CACNB2: variants seen among roughly 807,000 people sequenced by gnomAD.
The protein encoded by CACNB2 is calcium voltage-gated channel auxiliary subunit beta 2.
Under a neutral mutation model 73.3 loss-of-function variants are expected in CACNB2, and 42 were observed. The observed-to-expected ratio is 0.57, with a 90% CI of 0.45 to 0.74. The LOEUF (loss-of-function observed/expected upper bound fraction) is 0.74. Among genes scored for constraint, CACNB2 ranks in the 30% least tolerant of loss-of-function variants. The pLI, the probability that CACNB2 is intolerant of heterozygous loss-of-function variation, is 0.00. For missense variants in CACNB2, 940 were observed against 853.0 expected (o/e 1.10, Z -1.27); for synonymous variants, 348 against 310.3 (o/e 1.12, Z -1.28).
intron 2 of CACNB2, among the ~76,000 whole-genome samples, chr10:18,266,634 A>G (rs967407497): frequency 2.0e-4 from 31 of 152,148 alleles, no homozygotes; most frequent in African/African-American, 7.2e-4. Context: ...CACGCCTGTA[A>G]TCTCAGCACT....
At chr10:18,149,316 G>A (rs181784537) in intron 1 of CACNB2, among the ~76,000 whole-genome samples, 55 of 152,238 alleles carry the variant, frequency 3.6e-4, no homozygotes, top group Non-Finnish European at 6.3e-4. Context: ...TTTTTCAACA[G>A]TTTACTGAAT....
intron 2 of CACNB2, among the ~76,000 whole-genome samples, chr10:18,368,109 C>A (rs893198074): frequency 2.6e-5 from 4 of 152,158 alleles, no homozygotes; most frequent in African/African-American, 7.2e-5. Context: ...CCTGTAAACA[C>A]AGCAAGTTGA....
chr10:18,218,338 A>G (rs1056209299), intron 2 of CACNB2, among the ~76,000 whole-genome samples: 1 of 152,196 alleles, frequency 6.6e-6, no homozygotes, highest in African/African-American at 2.4e-5. Context: ...TGTTTTCCAG[A>G]TTATTGATTG....
intron 2 of CACNB2, among the ~76,000 whole-genome samples, chr10:18,397,287 C>G (rs1030090363): frequency 1.1e-5 from 1 of 93,746 alleles, no homozygotes; most frequent in East Asian, 4.0e-4. Flanking sequence ...GTCAACATGG[C>G]AAAACCGTCT....
rs1421668703 is a variant in CACNB2 at position 18,401,909 on chromosome 10, C to T, written c.214-15C>T. On this transcript the variant is annotated splice_polypyrimidine_tract_variant and intron_variant, in intron 2 of 13. Coordinates refer to ENST00000324631, the MANE Select transcript of CACNB2 (RefSeq NM_201596.3). ...TAGACTGAATCTACTTTAAAATGTA[C>T]ATTTTCCTCTCCAGGGTTCGGCAGA... 9 of 1,613,492 alleles carry T rather than the reference C, an allele frequency of 5.6e-6. No individual in the cohort carries two copies. The highest frequency in any genetic ancestry group is 2.7e-5 in the African/African-American group (2 of 75,036).
chr10:18,161,084 A>G (rs1251957805), intron 2 of CACNB2, among the ~76,000 whole-genome samples: 1 of 152,196 alleles, frequency 6.6e-6, no homozygotes, highest in Admixed American at 6.5e-5. Flanking sequence ...GTTGGAGGAT[A>G]AAGAAGAGGG....
intron 2 of CACNB2, among the ~76,000 whole-genome samples, chr10:18,273,448 A>G (rs2038144913): frequency 6.6e-6 from 1 of 151,604 alleles, no homozygotes; most frequent in South Asian, 2.1e-4. Flanking sequence ...TTTTTTGCAC[A>G]TACACAGAAC....
Position 18,420,858 on chromosome 10 carries a change from A to C in CACNB2, c.333+18815A>C, listed in dbSNP as rs574119925. On this transcript the variant is annotated intron_variant, in intron 3 of 13. Coordinates refer to ENST00000324631, the MANE Select transcript of CACNB2 (RefSeq NM_201596.3). ...GAATTTGGGTTCCAGGAAATACAAG[A>C]AGAACTGAAAATAATTTTTTAAAAA... 3.8e-3 allele frequency among the ~76,000 whole-genome samples: 572 copies of C among 152,316 alleles called. 2 individuals are homozygous for C. Among genetic ancestry groups the C allele is most frequent in the Non-Finnish European group, 6.3e-3 (428 of 68,024 alleles).
intron 2 of CACNB2, among the ~76,000 whole-genome samples, chr10:18,208,205 G>A (rs1000595263): frequency 3.9e-5 from 6 of 152,144 alleles, no homozygotes; most frequent in South Asian, 2.1e-4. Context: ...AGTGGCTCAT[G>A]CCTGTAACCT....
intron 3 of CACNB2, among the ~76,000 whole-genome samples, chr10:18,461,099 T>G (rs2047550930): frequency 6.6e-6 from 1 of 151,982 alleles, no homozygotes; most frequent in Non-Finnish European, 1.5e-5. Context: ...CCAGAAAATT[T>G]TGTGTTTTTA....
chr10:18,338,843 A>T (rs1314522880), intron 2 of CACNB2, among the ~76,000 whole-genome samples: 2 of 145,872 alleles, frequency 1.4e-5, no homozygotes, highest in African/African-American at 5.1e-5. Context: ...GGTTCAAATG[A>T]TCCTCCCAAC....
intron 3 of CACNB2, among the ~76,000 whole-genome samples, chr10:18,474,564 A>T (rs1029948231): frequency 2.0e-5 from 3 of 152,094 alleles, no homozygotes; most frequent in Non-Finnish European, 4.4e-5. Context: ...CCACACACGC[A>T]CTTTCTCCTT....
intron 2 of CACNB2, among the ~76,000 whole-genome samples, chr10:18,188,923 A>G (rs1564329373): frequency 6.6e-6 from 1 of 152,150 alleles, no homozygotes; most frequent in Non-Finnish European, 1.5e-5. Context: ...AGACTCTGAG[A>G]AGGGATAAGA....
At chr10:18,298,261 C>T (rs112366931) in intron 2 of CACNB2, among the ~76,000 whole-genome samples, 95 of 151,846 alleles carry the variant, frequency 6.3e-4, no homozygotes, top group African/African-American at 2.1e-3. Context: ...TCCAGCCACT[C>T]GGGAGGCTGA....
intron 3 of CACNB2, among the ~76,000 whole-genome samples, chr10:18,450,405 A>T (rs966705406): frequency 1.3e-5 from 2 of 152,028 alleles, no homozygotes; most frequent in Non-Finnish European, 2.9e-5. Flanking sequence ...TTTAGTAATT[A>T]TTGAAGAATA....
chr10:18,464,418 T>TAAAAAAAAAAAAA (rs762982462), intron 3 of CACNB2, among the ~76,000 whole-genome samples: 45 of 85,268 alleles, frequency 5.3e-4, no homozygotes, highest in African/African-American at 1.5e-3. Flanking sequence ...TCTCAAAAAT[T>TAAAAAAAAAAAAA]AAAAAAAAAA....
At chr10:18,432,876 TA>T (rs1564542199) in intron 3 of CACNB2, among the ~76,000 whole-genome samples, 5 of 151,680 alleles carry the variant, frequency 3.3e-5, no homozygotes, top group Non-Finnish European at 5.9e-5. Context: ...AAAACTGTAG[TA>T]AAAAGAAATT....
At chr10:18,173,058 T>C (rs931181264) in intron 2 of CACNB2, among the ~76,000 whole-genome samples, 1 of 151,760 alleles carries the variant, frequency 6.6e-6, no homozygotes, top group Non-Finnish European at 1.5e-5. Flanking sequence ...GTAGCTGGGA[T>C]TACAGGAGTG....
At chr10:18,244,232 A>G (rs2036775160) in intron 2 of CACNB2, among the ~76,000 whole-genome samples, 1 of 152,222 alleles carries the variant, frequency 6.6e-6, no homozygotes. Context: ...CCCATCAAAA[A>G]AAGAGTTCAT....
Sources: gnomAD v4.1 joint callset for allele counts (sites outside exome capture counted in the v4.1 genomes callset) on GRCh38, gnomAD v4.1.1 for gene constraint, MANE v1.5 for transcripts, NCBI Gene and HGNC (gene_info 2026-07-23, HGNC 2026-07-21) for gene names.